The following CAMTA1 variants were observed in gnomAD, a reference collection of about 807,000 sequenced individuals.
The protein encoded by CAMTA1 is calmodulin-binding transcription activator 1.
CAMTA1 carries 27 observed loss-of-function variants against 170.9 expected under a neutral mutation model. That is an observed-to-expected ratio of 0.16 (90% CI 0.12 to 0.22). CAMTA1 has a LOEUF of 0.22. CAMTA1 is among the 10% of genes least tolerant of loss of function. The probability of loss-of-function intolerance (pLI) is 1.00; values close to 1 mark genes in which losing one functional copy is unlikely to be tolerated. For missense variants in CAMTA1, 1,619 were observed against 2,217.2 expected, an observed-to-expected ratio of 0.73 and a Z score of 5.42; for synonymous variants, 833 against 891.5, an observed-to-expected ratio of 0.93 and a Z score of 1.17.
intron 6 of CAMTA1, among the ~76,000 whole-genome samples, chr1:7,526,533 G>T (rs144108905): frequency 6.6e-6 from 1 of 152,352 alleles, no homozygotes; most frequent in Non-Finnish European, 1.5e-5. Flanking sequence ...GGCCTCGTCG[G>T]GGTTCAGAAC....
intron 5 of CAMTA1, among the ~76,000 whole-genome samples, chr1:7,383,519 G>A (rs940144417): frequency 6.6e-6 from 1 of 152,164 alleles, no homozygotes; most frequent in Non-Finnish European, 1.5e-5. Flanking sequence ...GTAAAAATGG[G>A]CGTAGGATAT....
intron 4 of CAMTA1, among the ~76,000 whole-genome samples, chr1:7,193,950 C>G (rs1368877498): frequency 6.6e-6 from 1 of 152,182 alleles, no homozygotes; most frequent in African/African-American, 2.4e-5. Flanking sequence ...AGCAACAGAA[C>G]AGTGGTAACC....
intron 11 of CAMTA1, among the ~76,000 whole-genome samples, chr1:7,678,590 C>T (rs942710788): frequency 6.6e-5 from 10 of 152,284 alleles, no homozygotes; most frequent in South Asian, 2.1e-4. Flanking sequence ...CCTGGGCACA[C>T]GTCAGGAGGC....
chr1:6,921,780 CT>C (rs1257567557), intron 3 of CAMTA1, among the ~76,000 whole-genome samples: 1 of 152,200 alleles, frequency 6.6e-6, no homozygotes, highest in Non-Finnish European at 1.5e-5. Flanking sequence ...GTCAGATCCC[CT>C]GAGACTTATT....
intron 5 of CAMTA1, among the ~76,000 whole-genome samples, chr1:7,442,113 T>G (rs2092557565): frequency 6.6e-6 from 1 of 152,170 alleles, no homozygotes; most frequent in South Asian, 2.1e-4. Context: ...GTTTCTACTC[T>G]CCCAGTTCTT....
chr1:6,834,516 T>G (rs560116831), intron 3 of CAMTA1: 1 of 255,426 alleles, frequency 3.9e-6, no homozygotes, highest in Admixed American at 4.3e-5. Flanking sequence ...TAGCCACATT[T>G]GCCACAGGTC....
At chr1:7,119,674 C>T (rs879481276) in intron 4 of CAMTA1, among the ~76,000 whole-genome samples, 1 of 152,152 alleles carries the variant, frequency 6.6e-6, no homozygotes. Flanking sequence ...TGATGCCAGA[C>T]TAGACAAGAC....
intron 5 of CAMTA1, among the ~76,000 whole-genome samples, chr1:7,398,185 CTCTCTCTCTATATATATATATA>C (rs1258000825): frequency 5.4e-4 from 25 of 46,540 alleles, no homozygotes; most frequent in African/African-American, 1.0e-3. Flanking sequence ...CTCTCTCTCT[CTCTCTCTCTATATATATATATA>C]TATATATATA....
chr1:7,008,307 C>T (rs2275907), intron 3 of CAMTA1: 63,109 of 152,206 alleles, frequency 0.41, 14,533 homozygotes, highest in African/African-American at 0.63. Context: ...AAGGCACGAA[C>T]GGCCTTGACG....
chr1:7,069,531 C>T (rs1638317834), intron 3 of CAMTA1, among the ~76,000 whole-genome samples: 1 of 152,160 alleles, frequency 6.6e-6, no homozygotes, highest in Non-Finnish European at 1.5e-5. Flanking sequence ...GGTCAGCCAA[C>T]GGGACAGGTC....
intron 11 of CAMTA1, among the ~76,000 whole-genome samples, chr1:7,704,833 G>A (rs1454170143): frequency 6.8e-6 from 1 of 147,976 alleles, no homozygotes; most frequent in African/African-American, 2.4e-5. Context: ...CGGGGCGCGG[G>A]AGCCAGTGAG....
At chr1:6,901,574 A>G (rs1042105881) in intron 3 of CAMTA1, among the ~76,000 whole-genome samples, 1 of 152,264 alleles carries the variant, frequency 6.6e-6, no homozygotes, top group Non-Finnish European at 1.5e-5. Flanking sequence ...TTCTCTAGAC[A>G]TCTTAGGATA....
chr1:7,566,146 T>C (rs1576104295), intron 6 of CAMTA1, among the ~76,000 whole-genome samples: 1 of 151,710 alleles, frequency 6.6e-6, no homozygotes, highest in African/African-American at 2.4e-5. Context: ...AAGATGGAGG[T>C]TTTCCTGGAT....
At chr1:7,676,684 A>G (rs997405064) in intron 10 of CAMTA1, among the ~76,000 whole-genome samples, 2 of 152,244 alleles carry the variant, frequency 1.3e-5, no homozygotes, top group Non-Finnish European at 2.9e-5. Flanking sequence ...CCGGAAAAGC[A>G]GGGCAGAAGG....
intron 3 of CAMTA1, among the ~76,000 whole-genome samples, chr1:6,939,874 C>A (rs1416514516): frequency 6.6e-6 from 1 of 152,246 alleles, no homozygotes; most frequent in African/African-American, 2.4e-5. Flanking sequence ...TCTCTGTTCA[C>A]CCCAGCACCC....
rs142360857 is a variant in CAMTA1, at chr1:7,499,187, C to T, written c.510+31286C>T. The stretch of plus-strand genomic sequence containing the variant: ...GTGTGCATGTGTGTCCATGAGTGTG[C>T]AGAGAGGATGGTGTGATCCTGGTGT... On this transcript the variant is annotated intron_variant, in intron 6 of 22. Transcript: ENST00000303635. 4.3e-3 allele frequency among the ~76,000 whole-genome samples: 121 copies of T among 28,308 alleles called. 3 individuals are homozygous for T. The highest frequency in any genetic ancestry group is 0.05 in the Middle Eastern group (1 of 20). 18.6% of individuals were successfully genotyped at this position (28,308 alleles called of 152,430 possible).
At chr1:7,357,924 A>G (rs2085249199) in intron 5 of CAMTA1, among the ~76,000 whole-genome samples, 1 of 152,170 alleles carries the variant, frequency 6.6e-6, no homozygotes, top group Non-Finnish European at 1.5e-5. Flanking sequence ...CATCTTCCCT[A>G]GAAGGCTGAT....
intron 6 of CAMTA1, among the ~76,000 whole-genome samples, chr1:7,615,509 T>C (rs956935465): frequency 5.3e-5 from 8 of 152,224 alleles, no homozygotes; most frequent in Admixed American, 2.6e-4. Flanking sequence ...CCCGGAGCTG[T>C]TAAGAGGGTC....
chr1:7,116,086 C>A (rs1416328762), intron 4 of CAMTA1, among the ~76,000 whole-genome samples: 4 of 152,180 alleles, frequency 2.6e-5, no homozygotes, highest in Non-Finnish European at 5.9e-5. Context: ...CATCAACCCT[C>A]ATGCCCTCCT....
Sources: allele counts gnomAD v4.1 joint callset (sites outside exome capture counted in the v4.1 genomes callset), GRCh38; gene constraint gnomAD v4.1.1; transcripts MANE v1.5; gene names NCBI Gene and HGNC (gene_info 2026-07-23, HGNC 2026-07-21).